Variants in LITAF observed in about 807,000 individuals in gnomAD.
The protein encoded by LITAF is lipopolysaccharide induced TNF factor, also known as lipopolysaccharide-induced tumor necrosis factor-alpha factor.
LITAF carries 9 observed loss-of-function variants against 14.5 expected under a neutral mutation model. That is an observed-to-expected ratio of 0.62 (90% CI 0.37 to 1.08). The LOEUF (loss-of-function observed/expected upper bound fraction) is 1.08, where lower values mean the gene tolerates loss of function less well. LITAF is among the 50% of genes least tolerant of loss of function. LITAF has a pLI of 0.01. For synonymous variants in LITAF, 98 were observed against 88.2 expected, an observed-to-expected ratio of 1.11 and a Z score of -0.62; for missense variants, 206 against 213.4, an observed-to-expected ratio of 0.97 and a Z score of 0.22.
intron 3 of LITAF, among the ~76,000 whole-genome samples, chr16:11,613,285 A>G (rs750150585): frequency 6.6e-6 from 1 of 152,060 alleles, no homozygotes; most frequent in South Asian, 2.1e-4. Flanking sequence ...AGATCACTCT[A>G]GTTTTTGTTT....
In LITAF at chr16:11,586,583, G is replaced by T. The variant is rs113170291; in HGVS notation, c.-6+303C>A. Among the ~76,000 whole-genome samples the T allele has an allele frequency of 6.6e-6, 1 of 151,814 alleles. No homozygotes were observed. Among genetic ancestry groups the T allele is most frequent in the Admixed American group, 6.6e-5 (1 of 15,266 alleles). On this transcript the variant is annotated intron_variant, in intron 1 of 3. Coordinates refer to ENST00000622633, the MANE Select transcript of LITAF (RefSeq NM_001136472.2). The surrounding 1 kb of genome is among the most constrained non-coding windows in gnomAD (Gnocchi z 6.5). ...AGGGGGACGCGGCGGGCCGCGAAGGGCGCTCGTTCGGGTGGGGGCCGGACG... is the reference window on the plus strand; with the variant it reads ...AGGGGGACGCGGCGGGCCGCGAAGGTCGCTCGTTCGGGTGGGGGCCGGACG...
chr16:11,639,792 C>T (rs181789935), upstream of LITAF, among the ~76,000 whole-genome samples: 1 of 152,176 alleles, frequency 6.6e-6, no homozygotes, highest in African/African-American at 2.4e-5. Context: ...GTCAGGAGTT[C>T]AAGACCAGCC....
chr16:11,576,452 G>A (rs1284331166), intron 1 of LITAF, among the ~76,000 whole-genome samples: 1 of 146,058 alleles, frequency 6.8e-6, no homozygotes, highest in Non-Finnish European at 1.5e-5. Context: ...CTAGGCAACA[G>A]AGCAAGACAC....
chr16:11,575,398 C>T (rs2064616040), intron 1 of LITAF: 3 of 152,296 alleles, frequency 2.0e-5, no homozygotes, highest in Non-Finnish European at 2.9e-5. Flanking sequence ...CACCCAGAAG[C>T]CATGTACCTG....
chr16:11,600,870 C>G (rs2064922330), upstream of LITAF, among the ~76,000 whole-genome samples: 3 of 152,074 alleles, frequency 2.0e-5, no homozygotes, highest in Admixed American at 2.0e-4. The surrounding 1 kb of genome is among the most constrained non-coding windows in gnomAD (Gnocchi z 4.1). Flanking sequence ...CCCGCATATC[C>G]TCATTCTTCT....
At chr16:11,557,070 T>G (rs370034930) in intron 1 of LITAF, among the ~76,000 whole-genome samples, 4 of 24,734 alleles carry the variant, frequency 1.6e-4, no homozygotes, top group African/African-American at 3.9e-4. Context: ...CGTTGTTTTT[T>G]TTTGTTTGTT....
At chr16:11,550,891 C>T (rs751121389) in intron 3 of LITAF, among the ~76,000 whole-genome samples, 24 of 152,192 alleles carry the variant, frequency 1.6e-4, no homozygotes, top group Non-Finnish European at 3.4e-4. Flanking sequence ...ATCCAAAAAC[C>T]AACAGGCGTG....
intron 3 of LITAF, among the ~76,000 whole-genome samples, chr16:11,629,600 C>A (rs116712332): frequency 3.9e-5 from 6 of 152,146 alleles, no homozygotes; most frequent in African/African-American, 1.4e-4. Flanking sequence ...CGGCCACACT[C>A]GAAGCAGCCG....
At chr16:11,602,760 CA>C (rs35880448), upstream of LITAF, among the ~76,000 whole-genome samples, 41,882 of 114,112 alleles carry the variant, frequency 0.37, 6,414 homozygotes, top group Middle Eastern at 0.49. Context: ...TGGCTTGTTG[CA>C]AAAAAAAAAA....
chr16:11,562,404 G>T (rs2064384622), intron 1 of LITAF, among the ~76,000 whole-genome samples: 1 of 151,442 alleles, frequency 6.6e-6, no homozygotes, highest in African/African-American at 2.4e-5. Context: ...CTGCACTGGA[G>T]CCCAGAAATT....
Position 11,551,729 on chromosome 16 carries a change from G to A in LITAF, c.377+1804C>T, listed in dbSNP as rs2064184781. 4 of 678,880 alleles carry A rather than the reference G, an allele frequency of 5.9e-6. No homozygotes were observed. In the African/African-American group the frequency reaches 7.3e-5, roughly 12 times the overall value. The allele number at this position is 678,880 out of a possible 1,614,324, so 42.1% of individuals were successfully genotyped here. A position where few individuals can be genotyped will look rare whatever the true frequency, so the allele number is the denominator to read the frequency against. ...CACCTGTGGTCCCAGGTACTCAGGAGGCTGAGCTGGGCGGATTGCAGGAGC... is the reference window on the plus strand; with the variant it reads ...CACCTGTGGTCCCAGGTACTCAGGAAGCTGAGCTGGGCGGATTGCAGGAGC... On this transcript the variant is annotated intron_variant, in intron 3 of 3. Transcript: ENST00000622633.
intron 1 of LITAF, among the ~76,000 whole-genome samples, chr16:11,597,685 C>T (rs904687047): frequency 3.3e-5 from 5 of 152,124 alleles, no homozygotes; most frequent in African/African-American, 1.2e-4. Context: ...AGAACCTTCC[C>T]TTCCAAAACA....
At chr16:11,619,237 G>C (rs564841386) in intron 3 of LITAF, among the ~76,000 whole-genome samples, 2 of 152,020 alleles carry the variant, frequency 1.3e-5, no homozygotes, top group East Asian at 1.9e-4. Context: ...TTTGAACCTG[G>C]GAGGAAGAGG....
chr16:11,604,916 G>C (rs2064947104), intron 3 of LITAF, among the ~76,000 whole-genome samples: 1 of 152,106 alleles, frequency 6.6e-6, no homozygotes, highest in African/African-American at 2.4e-5. Context: ...TCAAGGAACT[G>C]CCTGCTCAGT....
chr16:11,579,600 G>T (rs566233879), intron 1 of LITAF, among the ~76,000 whole-genome samples: 1 of 152,228 alleles, frequency 6.6e-6, no homozygotes, highest in South Asian at 2.1e-4. Context: ...GGGAGAACTG[G>T]GAACTCCAGA....
At chr16:11,592,752 G>A (rs1200315452) in intron 1 of LITAF, among the ~76,000 whole-genome samples, 2 of 152,022 alleles carry the variant, frequency 1.3e-5, no homozygotes, top group East Asian at 3.9e-4. Context: ...AAAAAAATTT[G>A]GGGTCGGGCA....
chr16:11,548,001 C>A lies in LITAF; in HGVS notation c.*1636G>T. 2 of 454,078 alleles carry A rather than the reference C, an allele frequency of 4.4e-6. No individual in the cohort carries two copies. The highest frequency in any genetic ancestry group is 8.8e-6 in the Non-Finnish European group (2 of 226,782). 28.1% of individuals were successfully genotyped at this position (454,078 alleles called of 1,614,324 possible). A position where few individuals can be genotyped will look rare whatever the true frequency, so the allele number is the denominator to read the frequency against. On this transcript the variant is annotated 3_prime_UTR_variant, in exon 4 of 4. Coordinates refer to ENST00000622633, the MANE Select transcript of LITAF (RefSeq NM_001136472.2). ...ACCAAAAGAACTCATAAATAGTTCACCGGGTGAACCAAAGACTTTATTTTT... is the reference window on the plus strand; with the variant it reads ...ACCAAAAGAACTCATAAATAGTTCAACGGGTGAACCAAAGACTTTATTTTT...
At chr16:11,607,687 A>T (rs917786478) in intron 3 of LITAF, among the ~76,000 whole-genome samples, 1 of 152,202 alleles carries the variant, frequency 6.6e-6, no homozygotes, top group Non-Finnish European at 1.5e-5. Flanking sequence ...GCAAAAAAAA[A>T]TTTAATAAAT....
chr16:11,622,745 T>C (rs183132934), intron 3 of LITAF, among the ~76,000 whole-genome samples: 2 of 152,158 alleles, frequency 1.3e-5, no homozygotes, highest in African/African-American at 4.8e-5. Context: ...TGTTTATTGT[T>C]CTGAACCACC....
Sources: gnomAD v4.1 joint callset for allele counts (sites outside exome capture counted in the v4.1 genomes callset) on GRCh38, gnomAD v4.1.1 for gene constraint, Gnocchi (gnomAD v3.1) non-coding constraint, MANE v1.5 for transcripts, NCBI Gene and HGNC (gene_info 2026-07-23, HGNC 2026-07-21) for gene names.